BAG3: variants seen among roughly 807,000 people sequenced by gnomAD.
BAG3 encodes BAG family molecular chaperone regulator 3.
In BAG3, 14 loss-of-function variants were observed where a neutral mutation model predicts 40.5. The observed-to-expected ratio is 0.35, with a 90% CI of 0.23 to 0.54. BAG3 has a LOEUF of 0.54. BAG3 is among the 20% of genes least tolerant of loss of function. The pLI is 0.91. For synonymous variants in BAG3, 302 were observed against 307.8 expected (o/e 0.98, Z 0.20); for missense variants, 788 against 758.6 (o/e 1.04, Z -0.46).
At chr10:119,675,973 T>C (rs1847229421) in intron 3 of BAG3, among the ~76,000 whole-genome samples, 1 of 102,036 alleles carries the variant, frequency 9.8e-6, no homozygotes, top group Non-Finnish European at 2.0e-5. Flanking sequence ...TCACTCAGGC[T>C]GGAGTGCAAT....
Position 119,672,434 on chromosome 10 carries a change from G to A in BAG3, c.687G>A (p.Gln229=). The change falls in exon 3 of 4, where the codon CAG becomes CAA. Residue 229 remains glutamine (Q), a synonymous_variant. Transcript: ENST00000369085. The surrounding 1 kb of genome is among the most constrained non-coding windows in gnomAD (Gnocchi z 4.8). ...CCCAGCCCTCCTTCCACCAAGCCCA[G>A]AAGACGCACTACCCAGCGCAGCAGG... ...PAAQPSFHQA[Q]KTHYPAQQGE... is the part of the protein sequence containing the mutation. 2 of 1,614,188 alleles carry A rather than the reference G, an allele frequency of 1.2e-6. No individual in the cohort carries two copies. Among genetic ancestry groups the A allele is most frequent in the Non-Finnish European group, 1.7e-6 (2 of 1,180,048 alleles).
At position 119,677,318 on chromosome 10, in the gene BAG3, T is replaced by G. The variant is rs1847255454; in HGVS notation, c.*36T>G. On this transcript the variant is annotated 3_prime_UTR_variant, in exon 4 of 4. Transcript: ENST00000369085. ...GTAAAAATCAGACTCGGAACCGATG[T>G]GTGCTTTAGGGAATTTTAAGTTGCA... 2 of 1,611,920 alleles carry G rather than the reference T, an allele frequency of 1.2e-6. No homozygotes were observed. Among genetic ancestry groups the G allele is most frequent in the Non-Finnish European group, 1.7e-6 (2 of 1,179,392 alleles).
chr10:119,658,143 T>A (rs1846939432), intron 1 of BAG3, among the ~76,000 whole-genome samples: 1 of 152,230 alleles, frequency 6.6e-6, no homozygotes, highest in Non-Finnish European at 1.5e-5. Flanking sequence ...AATTATATAT[T>A]TTTTTCAGTT....
chr10:119,671,178 C>T (rs1472104750), intron 2 of BAG3, among the ~76,000 whole-genome samples: 1 of 152,150 alleles, frequency 6.6e-6, no homozygotes, highest in African/African-American at 2.4e-5. Context: ...CATGGTGGCA[C>T]ATTCCTGTAA....
At position 119,667,120 on chromosome 10, in the gene BAG3, G is replaced by A. The variant is rs552708651; in HGVS notation, c.181-2731G>A. 6.6e-4 allele frequency among the ~76,000 whole-genome samples: 101 copies of A among 152,174 alleles called. 1 individual carries two copies. Among genetic ancestry groups the A allele is most frequent in the Admixed American group, 6.6e-3 (101 of 15,286 alleles). ...GCCTCCTGAATAGCAGGGACTACAG[G>A]TGCCCCCCACCATGCCCAGCTAATC... On this transcript the variant is annotated intron_variant, in intron 1 of 3. Transcript: ENST00000369085.
chr10:119,656,490 C>G (rs998305418), intron 1 of BAG3: 2 of 150,954 alleles, frequency 1.3e-5, no homozygotes, highest in African/African-American at 4.9e-5. Context: ...AAGCGATTCT[C>G]CTGCCTCAGC....
chr10:119,665,093 TGTGTG>T (rs1367565463), intron 1 of BAG3, among the ~76,000 whole-genome samples: 21 of 15,184 alleles, frequency 1.4e-3, no homozygotes, highest in Non-Finnish European at 2.0e-3. Flanking sequence ...AATTTTTGTT[TGTGTG>T]TGTGTGTGTG....
intron 1 of BAG3, among the ~76,000 whole-genome samples, chr10:119,659,512 T>G (rs1290062181): frequency 3.9e-5 from 6 of 152,130 alleles, no homozygotes; most frequent in African/African-American, 1.4e-4. Flanking sequence ...ACCACCCTCT[T>G]CTGGGGGGTG....
rs963830528 is a variant in BAG3, at chr10:119,651,969, C to A, written c.180+114C>A. The A allele has an allele frequency of 8.4e-6, 8 of 954,222 alleles. No individual in the cohort carries two copies. In the African/African-American group the frequency reaches 1.0e-4, roughly 12 times the overall value. The allele number at this position is 954,222 out of a possible 1,614,324, so 59.1% of individuals were successfully genotyped here. A position where few individuals can be genotyped will look rare whatever the true frequency, so the allele number is the denominator to read the frequency against. On this transcript the variant is annotated intron_variant, in intron 1 of 3. Transcript: ENST00000369085. ...GGCGGGGCCCGGGGGTCGGCGAAGGCCCCTCGCGGGCGGACACCGGCTCCG... is the reference window on the plus strand; with the variant it reads ...GGCGGGGCCCGGGGGTCGGCGAAGGACCCTCGCGGGCGGACACCGGCTCCG...
In BAG3 at chr10:119,662,001, A is replaced by C. The variant is rs546130155; in HGVS notation, c.181-7850A>C. On this transcript the variant is annotated intron_variant, in intron 1 of 3. Transcript: ENST00000369085. ...ATGCACCCCATCATAGCAAGCAGAG[A>C]GCTTCGGTAGGGTGCTGAAGCTCGA... Among the ~76,000 whole-genome samples, 27 of 152,154 alleles carry C rather than the reference A, an allele frequency of 1.8e-4. No individual in the cohort carries two copies. The South Asian group carries it at 2.1e-3, about 12-fold the overall frequency.
intron 1 of BAG3, among the ~76,000 whole-genome samples, chr10:119,667,016 G>T (rs1589627424): frequency 6.6e-6 from 1 of 151,654 alleles, no homozygotes; most frequent in East Asian, 1.9e-4. Context: ...TTGCTCTATT[G>T]CCCAGGCTGG....
At chr10:119,655,581 C>G (rs1287201709) in intron 1 of BAG3, among the ~76,000 whole-genome samples, 1 of 152,164 alleles carries the variant, frequency 6.6e-6, no homozygotes, top group African/African-American at 2.4e-5. Flanking sequence ...AGCTGTTATG[C>G]CTCTTAGCAG....
At chr10:119,654,357 A>G (rs1347741677) in intron 1 of BAG3, among the ~76,000 whole-genome samples, 1 of 152,218 alleles carries the variant, frequency 6.6e-6, no homozygotes, top group Non-Finnish European at 1.5e-5. Flanking sequence ...TGAGGAGCTC[A>G]AGAGACGACC....
In BAG3 at chr10:119,669,919, C is replaced by A. The variant is rs151331972; in HGVS notation, c.249C>A (p.His83Gln). ...GGCTGCCGCCTGCTAGGGAAGGCCA[C>A]CCTGTGTACCCCCAGCTCCGACCAG... ...GSRLPPAREGHPVYPQLRPGY... is the reference protein window; with the variant it reads ...GSRLPPAREGQPVYPQLRPGY... Residue 83 changes from histidine (H) to glutamine (Q), a missense_variant, in exon 2 of 4, where the codon CAC (histidine) becomes CAA (glutamine). His to Gln is a conservative substitution (Grantham distance 24, BLOSUM62 0). Coordinates refer to ENST00000369085, the MANE Select transcript of BAG3 (RefSeq NM_004281.4). The A allele has an allele frequency of 5.8e-4, 944 of 1,614,232 alleles. 7 individuals carry two copies. The African/African-American group carries it at 0.011, about 19-fold the overall frequency.
At chr10:119,662,939 C>T (rs932503342) in intron 1 of BAG3, among the ~76,000 whole-genome samples, 3 of 152,152 alleles carry the variant, frequency 2.0e-5, no homozygotes, top group Admixed American at 6.5e-5. Context: ...GGCGTGAACG[C>T]GGGAGGCGGA....
In BAG3 at chr10:119,672,605, A is replaced by G. The variant is rs756650132; in HGVS notation, c.858A>G (p.Pro286=). The G allele has an allele frequency of 2.5e-6, 4 of 1,613,570 alleles. No homozygotes were observed. The highest frequency in any genetic ancestry group is 3.4e-6 in the Non-Finnish European group (4 of 1,179,920). The part of the protein sequence containing the change: ...REGSPARSST[P]LHSPSPIRVH... ...GCTCACCAGCCAGGAGCAGCACGCC[A>G]CTCCACTCCCCCTCGCCCATCCGTG... Residue 286 remains proline (P), a synonymous_variant, in exon 3 of 4, where the codon CCA becomes CCG. Transcript: ENST00000369085. The surrounding 1 kb of genome is among the most constrained non-coding windows in gnomAD (Gnocchi z 4.8).
At chr10:119,652,115 C>T (rs1201778310) in intron 1 of BAG3, among the ~76,000 whole-genome samples, 4 of 152,078 alleles carry the variant, frequency 2.6e-5, no homozygotes, top group Non-Finnish European at 5.9e-5. Context: ...CCCGCAGTGG[C>T]TCCGGTGCCG....
intron 1 of BAG3, among the ~76,000 whole-genome samples, chr10:119,660,175 G>A (rs1042835656): frequency 1.3e-5 from 2 of 152,246 alleles, no homozygotes; most frequent in Non-Finnish European, 2.9e-5. Flanking sequence ...GGATGTTGAG[G>A]AGACGCCAGC....
chr10:119,659,390 A>C (rs1473786039), intron 1 of BAG3, among the ~76,000 whole-genome samples: 1 of 152,108 alleles, frequency 6.6e-6, no homozygotes, highest in Non-Finnish European at 1.5e-5. Context: ...GTGAGGGGGG[A>C]CATCAGCCCA....
Sources: gnomAD v4.1 joint callset for allele counts (sites outside exome capture counted in the v4.1 genomes callset) on GRCh38, gnomAD v4.1.1 for gene constraint, Gnocchi (gnomAD v3.1) non-coding constraint, MANE v1.5 for transcripts, NCBI Gene and HGNC (gene_info 2026-07-23, HGNC 2026-07-21) for gene names.